ALDH1L1: variants seen among roughly 807,000 people sequenced by gnomAD.
The protein encoded by ALDH1L1 is cytosolic 10-formyltetrahydrofolate dehydrogenase.
In ALDH1L1, 68 loss-of-function variants were observed where a neutral mutation model predicts 101.1. The observed-to-expected ratio is 0.67, with a 90% CI of 0.55 to 0.82. The LOEUF (loss-of-function observed/expected upper bound fraction) is 0.82. Ranked by LOEUF, ALDH1L1 falls within the 40% of genes least tolerant of loss-of-function variation. ALDH1L1 has a pLI of 0.00. For missense variants in ALDH1L1, 1,087 were observed against 1,172.7 expected (o/e 0.93, Z 1.07); for synonymous variants, 486 against 470.8 (o/e 1.03, Z -0.42).
chr3:126,159,029 G>C (rs920277632), intron 2 of ALDH1L1, among the ~76,000 whole-genome samples: 5 of 152,180 alleles, frequency 3.3e-5, no homozygotes, highest in African/African-American at 1.2e-4. Flanking sequence ...TTTGTCAGCT[G>C]TTCCCTGATG....
Position 126,155,498 on chromosome 3 carries a change from C to G in ALDH1L1, c.534G>C (p.Gln178His). The G allele has an allele frequency of 3.1e-6, 5 of 1,611,138 alleles. No individual in the cohort carries two copies. The highest frequency in any genetic ancestry group is 4.2e-6 in the Non-Finnish European group (5 of 1,178,850). The change falls in exon 5 of 23, where the codon CAG becomes CAC. Residue 178 changes from glutamine (Q) to histidine (H), a missense_variant. Transcript: ENST00000393434. The stretch of plus-strand genomic sequence containing the variant: ...TGCCCTCAGCGATCAGCCTCACGGC[C>G]TGCACCTGGGGAGATCCAGTGGGTT... Reference protein sequence around the residue: ...LFPEGIKGMVQAVRLIAEGKA... With the variant: ...LFPEGIKGMVHAVRLIAEGKA...
intron 1 of ALDH1L1, among the ~76,000 whole-genome samples, chr3:126,173,733 T>C (rs981107902): frequency 2.0e-5 from 3 of 152,044 alleles, no homozygotes; most frequent in Non-Finnish European, 2.9e-5. Context: ...AAAAACCAGA[T>C]AGGTTACAAA....
chr3:126,160,928 G>T lies in ALDH1L1; in HGVS notation c.52C>A (p.His18Asn), dbSNP rs369566779. The change falls in exon 2 of 23, where the codon CAC (histidine) becomes AAC (asparagine). Residue 18 changes from histidine (H) to asparagine (N), a missense_variant. By Grantham distance (68) the His-to-Asn change is moderately conservative. Coordinates refer to ENST00000393434, the MANE Select transcript of ALDH1L1 (RefSeq NM_012190.4). ...ACTTCGTGGCCCTCCTTCCTCAGGT[G>T]GCAGTAAACTTCCTGGCCAAACAGG... ...QSLFGQEVYC[H>N]LRKEGHEVVG... The T allele has an allele frequency of 1.3e-5, 21 of 1,614,266 alleles. No individual in the cohort carries two copies. In the African/African-American group the frequency reaches 2.5e-4, roughly 19 times the overall value.
intron 1 of ALDH1L1, among the ~76,000 whole-genome samples, chr3:126,191,671 G>A (rs1024549991): frequency 6.6e-6 from 1 of 152,216 alleles, no homozygotes; most frequent in African/African-American, 2.4e-5. Flanking sequence ...TCTTTTAGCT[G>A]TAGGCCAGGG....
At chr3:126,159,146 T>C (rs1194677965) in intron 2 of ALDH1L1, among the ~76,000 whole-genome samples, 1 of 152,194 alleles carries the variant, frequency 6.6e-6, no homozygotes, top group Non-Finnish European at 1.5e-5. Flanking sequence ...CCAGTCACAG[T>C]CGTTCCTTCT....
chr3:126,124,471 A>C lies in ALDH1L1; in HGVS notation c.1801-20T>G. ...GGTCACCTGGGTGTGGGGCCAGGAA[A>C]GGAGACTGGGTAAGGAGGTTTTTGA... On this transcript the variant is annotated intron_variant, in intron 15 of 22. Coordinates refer to ENST00000393434, the MANE Select transcript of ALDH1L1 (RefSeq NM_012190.4). 6.2e-7 allele frequency: 1 copy of C among 1,605,050 alleles called. No individual in the cohort carries two copies. Among genetic ancestry groups the C allele is most frequent in the Middle Eastern group, 1.7e-4 (1 of 6,042 alleles).
chr3:126,124,337 A>G, intron 16 of ALDH1L1, 27 bp downstream of exon 16: 1 of 1,590,634 alleles, frequency 6.3e-7, no homozygotes, highest in Admixed American at 1.7e-5. Flanking sequence ...CAGAAGCCCT[A>G]GCCCTGCCCC....
rs140657870 is a variant in ALDH1L1, at chr3:126,171,937, G to A, written c.-24+8539C>T. Among the ~76,000 whole-genome samples, 323 of 152,152 alleles carry A rather than the reference G, an allele frequency of 2.1e-3. 1 individual carries two copies. Among genetic ancestry groups the A allele is most frequent in the African/African-American group, 6.5e-3 (271 of 41,492 alleles). On this transcript the variant is annotated intron_variant, in intron 1 of 22. Transcript: ENST00000393434. The stretch of plus-strand genomic sequence containing the variant: ...CACAGGGCTCCAGTATAGTAACAAG[G>A]GGATTACGGATAAGAGAACTGCAAG...
At chr3:126,141,242 C>A (rs1023834893) in intron 9 of ALDH1L1, among the ~76,000 whole-genome samples, 7 of 151,988 alleles carry the variant, frequency 4.6e-5, no homozygotes, top group Non-Finnish European at 7.4e-5. Context: ...CCTAACACAG[C>A]CCTAAAATAT....
intron 17 of ALDH1L1, among the ~76,000 whole-genome samples, chr3:126,116,609 G>A (rs769697258): frequency 2.6e-5 from 4 of 152,150 alleles, no homozygotes; most frequent in Non-Finnish European, 4.4e-5. Context: ...AATTAGGAGA[G>A]GCAAACCTGC....
intron 11 of ALDH1L1, among the ~76,000 whole-genome samples, chr3:126,135,876 C>T (rs1406201316): frequency 6.6e-6 from 1 of 152,190 alleles, no homozygotes; most frequent in African/African-American, 2.4e-5. Flanking sequence ...TGTGTGTCTA[C>T]ACCCCAAGGT....
At chr3:126,156,240 G>A (rs2080900961) in intron 4 of ALDH1L1, 1 of 152,218 alleles carries the variant, frequency 6.6e-6, no homozygotes, top group Non-Finnish European at 1.5e-5. Flanking sequence ...TGCCTTGTTG[G>A]ACAGTGCAGC....
chr3:126,130,556 G>A (rs563551306), intron 13 of ALDH1L1, among the ~76,000 whole-genome samples: 2 of 152,380 alleles, frequency 1.3e-5, no homozygotes, highest in East Asian at 1.9e-4. Flanking sequence ...AAGAAAGGGT[G>A]AGGGTGGGGG....
intron 12 of ALDH1L1, among the ~76,000 whole-genome samples, chr3:126,133,597 G>A (rs1576440775): frequency 6.6e-6 from 1 of 152,214 alleles, no homozygotes; most frequent in Non-Finnish European, 1.5e-5. Context: ...GGGAAGCTCT[G>A]AGAGGCTGCC....
At position 126,136,756 on chromosome 3, in the gene ALDH1L1, G is replaced by T. The variant is rs2305229; in HGVS notation, c.1344+8C>A. 251,178 of 1,562,686 alleles carry T rather than the reference G, an allele frequency of 0.16. 20,897 individuals carry two copies. Among genetic ancestry groups the T allele is most frequent in the East Asian group, 0.24 (10,257 of 42,186 alleles). On this transcript the variant is annotated splice_region_variant and intron_variant, in intron 11 of 22. Transcript: ENST00000393434. ...AATGTGGAGAAGGGGTGCTGGGCCT[G>T]CACTCACACTTCCATCGGTGGGATT... is the stretch of plus-strand genomic sequence containing the variant.
Position 126,164,885 on chromosome 3 carries a change from G to C in ALDH1L1, c.-23-3883C>G, listed in dbSNP as rs866323233. Among the ~76,000 whole-genome samples the C allele has an allele frequency of 5.9e-5, 9 of 152,262 alleles. No individual in the cohort carries two copies. The South Asian group carries it at 1.0e-3, about 18-fold the overall frequency. ...TTTTCTCTATAGCCTCACCAGCACT[G>C]TTATTGACTTTTTAGTAATAGCCAT... On this transcript the variant is annotated intron_variant, in intron 1 of 22. Transcript: ENST00000393434.
intron 21 of ALDH1L1, among the ~76,000 whole-genome samples, chr3:126,106,366 T>C (rs1211500626): frequency 6.6e-6 from 1 of 152,244 alleles, no homozygotes; most frequent in Non-Finnish European, 1.5e-5. Context: ...TGGGGTTTTT[T>C]TGGTAGTTGG....
At position 126,124,465 on chromosome 3, in the gene ALDH1L1, C is replaced by T. The variant is rs1176057690; in HGVS notation, c.1801-14G>A. On this transcript the variant is annotated splice_polypyrimidine_tract_variant and intron_variant, in intron 15 of 22. Coordinates refer to ENST00000393434, the MANE Select transcript of ALDH1L1 (RefSeq NM_012190.4). ...GAGTGGGGTCACCTGGGTGTGGGGC[C>T]AGGAAAGGAGACTGGGTAAGGAGGT... The T allele has an allele frequency of 6.2e-7, 1 of 1,607,238 alleles. No homozygotes were observed.
intron 1 of ALDH1L1, among the ~76,000 whole-genome samples, chr3:126,187,678 T>C (rs1027839249): frequency 1.4e-4 from 21 of 152,164 alleles, no homozygotes; most frequent in Admixed American, 1.2e-3. Flanking sequence ...CTGACCCAGA[T>C]GGTTTCAGTG....
Sources: gnomAD v4.1 joint callset for allele counts (sites outside exome capture counted in the v4.1 genomes callset) on GRCh38, gnomAD v4.1.1 for gene constraint, MANE v1.5 for transcripts, NCBI Gene and HGNC (gene_info 2026-07-23, HGNC 2026-07-21) for gene names.